Variants in NLK observed in about 807,000 individuals in gnomAD.
NLK encodes the protein nemo like kinase, also known as serine/threonine-protein kinase NLK.
A neutral mutation model predicts 59.0 loss-of-function variants in NLK; 11 were observed. That is an observed-to-expected ratio of 0.19 (90% CI 0.12 to 0.31). The LOEUF is 0.31. Ranked by LOEUF, NLK falls within the 10% of genes least tolerant of loss-of-function variation. The pLI, the probability that NLK is intolerant of heterozygous loss-of-function variation, is 1.00. For missense variants in NLK, 410 were observed against 661.1 expected (o/e 0.62, Z 4.16); for synonymous variants, 235 against 235.9 (o/e 1.00, Z 0.03).
At chr17:28,182,541 A>G (rs546228732) in intron 7 of NLK, among the ~76,000 whole-genome samples, 25 of 152,296 alleles carry the variant, frequency 1.6e-4, no homozygotes, top group Non-Finnish European at 5.9e-5. Context: ...TTGAATTTTC[A>G]TCTACTGACA....
intron 7 of NLK, among the ~76,000 whole-genome samples, chr17:28,184,192 A>T (rs1909027653): frequency 6.6e-6 from 1 of 152,234 alleles, no homozygotes; most frequent in Non-Finnish European, 1.5e-5. Flanking sequence ...CCAATGGTGT[A>T]CTTTCTTACA....
At chr17:28,184,898 A>G (rs1385706619) in intron 7 of NLK, among the ~76,000 whole-genome samples, 2 of 152,248 alleles carry the variant, frequency 1.3e-5, no homozygotes, top group African/African-American at 4.8e-5. Flanking sequence ...CAGTGAACCA[A>G]GATGGCGCCA....
At chr17:28,073,011 C>T (rs748838405) in intron 1 of NLK, among the ~76,000 whole-genome samples, 3 of 151,264 alleles carry the variant, frequency 2.0e-5, no homozygotes, top group Non-Finnish European at 2.9e-5. Context: ...TTTTTTGAAG[C>T]AGGGTATTAG....
At chr17:28,093,312 C>T (rs1342491076) in intron 1 of NLK, among the ~76,000 whole-genome samples, 1 of 152,108 alleles carries the variant, frequency 6.6e-6, no homozygotes, top group African/African-American at 2.4e-5. Context: ...TATATACATA[C>T]TTAATGAAAC....
At chr17:28,182,356 G>A (rs984366550) in intron 7 of NLK, among the ~76,000 whole-genome samples, 1 of 152,066 alleles carries the variant, frequency 6.6e-6, no homozygotes, top group Non-Finnish European at 1.5e-5. Flanking sequence ...GTTAATAGTT[G>A]TCCTAGCAGG....
Position 28,043,002 on chromosome 17 carries a change from G to GCACCAC in NLK, c.140_145dup (p.His47_His48dup), listed in dbSNP as rs757128638. 1.3e-6 allele frequency: 2 copies of GCACCAC among 1,556,160 alleles called. No individual in the cohort carries two copies. Among genetic ancestry groups the GCACCAC allele is most frequent in the African/African-American group, 2.7e-5 (2 of 73,106 alleles). The stretch of plus-strand genomic sequence containing the variant: ...TTCCACACCTCCCTCCTCCTCACCT[G>GCACCAC]CACCACCACCACCACCCTCAACACC... On this transcript the variant is annotated inframe_insertion, in exon 1 of 11. Transcript: ENST00000407008.
intron 1 of NLK, among the ~76,000 whole-genome samples, chr17:28,051,827 A>G (rs965244518): frequency 3.9e-5 from 6 of 152,116 alleles, no homozygotes; most frequent in East Asian, 1.9e-4. Context: ...CTAAGATTCT[A>G]TTATAAAATG....
intron 6 of NLK, among the ~76,000 whole-genome samples, chr17:28,169,736 T>C (rs1908389025): frequency 2.0e-5 from 3 of 150,494 alleles, no homozygotes; most frequent in South Asian, 2.1e-4. Context: ...TTTTTTTTTT[T>C]TTTGGCCCCT....
chr17:28,061,875 T>TATAATATATACATATATACATATAC, intron 1 of NLK: 1 of 145,358 alleles, frequency 6.9e-6, no homozygotes, highest in East Asian at 1.9e-4. Context: ...TATACATATA[T>TATAATATATACATATATACATATAC]ATAATATATA....
At position 28,165,848 on chromosome 17, in the gene NLK, TCTTTC is replaced by T. The variant is rs200593570; in HGVS notation, c.837+2225_837+2229del. Among the ~76,000 whole-genome samples the T allele has an allele frequency of 5.6e-3, 851 of 152,324 alleles. 10 individuals carry two copies. The highest frequency in any genetic ancestry group is 0.02 in the African/African-American group (813 of 41,566). On this transcript the variant is annotated intron_variant, in intron 5 of 10. Transcript: ENST00000407008. Reference sequence around the variant, plus strand: ...TATAAATATGAGAAAAAAATTATGTTCTTTCCTTTTGTTGGTTTGGTTTTTAAAAA... The same window carrying T: ...TATAAATATGAGAAAAAAATTATGTTCTTTTGTTGGTTTGGTTTTTAAAAA...
intron 1 of NLK, among the ~76,000 whole-genome samples, chr17:28,065,070 C>T (rs1399321414): frequency 1.3e-5 from 2 of 151,858 alleles, no homozygotes; most frequent in Admixed American, 6.6e-5. Context: ...AATTCCTACC[C>T]GGGAGAAACT....
At chr17:28,084,421 G>C (rs920760490) in intron 1 of NLK, among the ~76,000 whole-genome samples, 2 of 152,192 alleles carry the variant, frequency 1.3e-5, no homozygotes, top group African/African-American at 4.8e-5. Context: ...CTGAAAGCTA[G>C]TGAGTGATAG....
chr17:28,065,613 A>G (rs991758195), intron 1 of NLK, among the ~76,000 whole-genome samples: 16 of 152,314 alleles, frequency 1.1e-4, no homozygotes, highest in African/African-American at 3.8e-4. Context: ...AATGGTTTGG[A>G]GTAGGAACAG....
At chr17:28,161,048 C>G in intron 3 of NLK, 112 bp from the exon 4 acceptor site, 1 of 636,010 alleles carries the variant, frequency 1.6e-6, no homozygotes, top group East Asian at 2.7e-5. Context: ...TAGAAGCTTT[C>G]TTTCCCCACT....
Position 28,158,448 on chromosome 17 carries a change from G to T in NLK, c.645-2712G>T, listed in dbSNP as rs551942203. Among the ~76,000 whole-genome samples, 4 of 152,216 alleles carry T rather than the reference G, an allele frequency of 2.6e-5. No individual in the cohort carries two copies. In the South Asian group the frequency reaches 8.3e-4, roughly 32 times the overall value. ...TAGAACATTACTGTGCATTACTATA[G>T]ACTTTATAAACTCTGTGCTCTTAAG... On this transcript the variant is annotated intron_variant, in intron 3 of 10. Coordinates refer to ENST00000407008, the MANE Select transcript of NLK (RefSeq NM_016231.5).
intron 1 of NLK, among the ~76,000 whole-genome samples, chr17:28,071,423 A>T (rs903560332): frequency 4.7e-5 from 7 of 150,352 alleles, no homozygotes; most frequent in Non-Finnish European, 1.0e-4. Flanking sequence ...TGAACATGGT[A>T]TAGCTCTCCA....
intron 2 of NLK, 136 bp downstream of exon 2, chr17:28,122,868 A>G (rs746263557): frequency 8.4e-5 from 73 of 869,442 alleles, no homozygotes; most frequent in East Asian, 1.2e-4. Flanking sequence ...CAAATGTGAA[A>G]AGAAATAAGC....
chr17:28,129,592 A>G (rs896825831), intron 2 of NLK, among the ~76,000 whole-genome samples: 1 of 152,220 alleles, frequency 6.6e-6, no homozygotes, highest in Non-Finnish European at 1.5e-5. Context: ...AAAAAAAATA[A>G]TAATGATATA....
intron 1 of NLK, among the ~76,000 whole-genome samples, chr17:28,068,537 A>G (rs866280118): frequency 6.6e-6 from 1 of 152,100 alleles, no homozygotes; most frequent in Non-Finnish European, 1.5e-5. Flanking sequence ...TTGGGGGGGA[A>G]TTTGTTGAGA....
Sources: allele counts gnomAD v4.1 joint callset (sites outside exome capture counted in the v4.1 genomes callset), GRCh38; gene constraint gnomAD v4.1.1; transcripts MANE v1.5; gene names NCBI Gene and HGNC (gene_info 2026-07-23, HGNC 2026-07-21).